The following HPS5 variants were observed in gnomAD, a reference collection of about 807,000 sequenced individuals.
HPS5 encodes HPS5 biogenesis of lysosomal organelles complex 2 subunit 2, also known as BLOC-2 complex member HPS5.
In HPS5, 83 loss-of-function variants were observed where a neutral mutation model predicts 128.0. That is an observed-to-expected ratio of 0.65 (90% CI 0.54 to 0.78). The LOEUF (loss-of-function observed/expected upper bound fraction) is 0.78. Among genes scored for constraint, HPS5 ranks in the 30% least tolerant of loss-of-function variants. The probability of loss-of-function intolerance (pLI) is 0.00; values close to 1 mark genes in which losing one functional copy is unlikely to be tolerated. For synonymous variants in HPS5, 475 were observed against 470.2 expected (o/e 1.01, Z -0.13); for missense variants, 1,281 against 1,326.2 (o/e 0.97, Z 0.53).
Position 18,317,910 on chromosome 11 carries a change from G to A in HPS5, c.-49-3C>T, listed in dbSNP as rs1283560475. On this transcript the variant is annotated splice_region_variant and splice_polypyrimidine_tract_variant and intron_variant, in intron 1 of 22. Transcript: ENST00000349215. ...ATGATAGATACAGTATTCCTCACCT[G>A]AATAAAATCCACAAAAATATAATTT... 1 of 1,579,424 alleles carries A rather than the reference G, an allele frequency of 6.3e-7. No individual in the cohort carries two copies. Among genetic ancestry groups the A allele is most frequent in the Admixed American group, 1.8e-5 (1 of 55,954 alleles).
At chr11:18,321,796 C>G (rs1467566806) in intron 1 of HPS5, 150 bp downstream of exon 1, 1 of 152,226 alleles carries the variant, frequency 6.6e-6, no homozygotes, top group Non-Finnish European at 1.5e-5. Flanking sequence ...CTGCCTCAGA[C>G]AAATGGCGAC....
intron 9 of HPS5, among the ~76,000 whole-genome samples, chr11:18,300,027 T>C (rs1198275185): frequency 6.6e-6 from 1 of 152,152 alleles, no homozygotes; most frequent in Non-Finnish European, 1.5e-5. Context: ...TACAAAATTA[T>C]AGCTAGATAG....
At chr11:18,284,581 A>G (rs932683143) in intron 20 of HPS5, among the ~76,000 whole-genome samples, 2 of 152,226 alleles carry the variant, frequency 1.3e-5, no homozygotes, top group Non-Finnish European at 2.9e-5. Flanking sequence ...AAGGGTCTCT[A>G]CTGATAACTA....
chr11:18,286,493 G>C (rs56767044), intron 19 of HPS5, 98 bp downstream of exon 19: 1 of 1,240,984 alleles, frequency 8.1e-7, no homozygotes, highest in African/African-American at 1.5e-5. Flanking sequence ...AGGAAGCCAT[G>C]ATCTTAGCAC....
intron 2 of HPS5, among the ~76,000 whole-genome samples, chr11:18,317,143 G>A (rs1217925669): frequency 6.7e-6 from 1 of 150,320 alleles, no homozygotes; most frequent in Non-Finnish European, 1.5e-5. Context: ...GCAGTGAGCT[G>A]AGATCACACC....
chr11:18,294,844 CA>C (rs1157205334), intron 14 of HPS5, among the ~76,000 whole-genome samples, 175 bp downstream of exon 14: 1 of 150,934 alleles, frequency 6.6e-6, no homozygotes, highest in South Asian at 2.1e-4. Flanking sequence ...AAAAAAAAAT[CA>C]CAAAAAAACT....
chr11:18,289,591 T>G (rs974650715), intron 16 of HPS5, among the ~76,000 whole-genome samples: 4 of 150,198 alleles, frequency 2.7e-5, no homozygotes, highest in African/African-American at 9.9e-5. Flanking sequence ...AAAAAAAAAA[T>G]TATTATGCTT....
chr11:18,287,783 T>C, intron 17 of HPS5, 93 bp from the exon 18 acceptor site: 2 of 1,583,616 alleles, frequency 1.3e-6, no homozygotes, highest in Non-Finnish European at 1.7e-6. Context: ...TGAAAATAAA[T>C]ATACTAACAG....
chr11:18,288,987 GGT>G (rs753384769), intron 16 of HPS5, among the ~76,000 whole-genome samples: 5 of 151,440 alleles, frequency 3.3e-5, no homozygotes, highest in Non-Finnish European at 7.4e-5. Context: ...TGCATAGGCT[GGT>G]GTGTGTGTTT....
At position 18,297,002 on chromosome 11, in the gene HPS5, TC is replaced by T. The variant is rs1861156087; in HGVS notation, c.1324-19del. 25 of 1,430,408 alleles carry T rather than the reference TC, an allele frequency of 1.7e-5. No individual in the cohort carries two copies. The highest frequency in any genetic ancestry group is 9.9e-5 in the African/African-American group (6 of 60,682). The allele number at this position is 1,430,408 out of a possible 1,614,324, so 88.6% of individuals were successfully genotyped here. A position where few individuals can be genotyped will look rare whatever the true frequency, so the allele number is the denominator to read the frequency against. Reference sequence around the variant, plus strand: ...AAACTTTCCTAAAAATTAAAAGAATTCAAAAAAAAAAAAAGGTAAAAATTTC... The same window carrying T: ...AAACTTTCCTAAAAATTAAAAGAATTAAAAAAAAAAAAAGGTAAAAATTTC... On this transcript the variant is annotated intron_variant, in intron 11 of 22. Coordinates refer to ENST00000349215, the MANE Select transcript of HPS5 (RefSeq NM_181507.2).
chr11:18,305,553 A>T, intron 7 of HPS5, 60 bp from the exon 8 acceptor site: 1 of 1,347,402 alleles, frequency 7.4e-7, no homozygotes, highest in Non-Finnish European at 1.1e-6. Context: ...ATAAAATTAC[A>T]CTTTTCCCAA....
Position 18,292,011 on chromosome 11 carries a change from A to C in HPS5, c.1871T>G (p.Leu624Arg), listed in dbSNP as rs281865102. The C allele has an allele frequency of 6.2e-7, 1 of 1,613,584 alleles. No homozygotes were observed. The highest frequency in any genetic ancestry group is 8.5e-7 in the Non-Finnish European group (1 of 1,179,602). ...TTCAAATAAAACCAGAGGGTCCTGT[A>C]GCTTGGTCCTATACAAGACAGACAA... The part of the protein sequence containing the change: ...KVATAEAMTK[L>R]QDPLVLFESE... Residue 624 changes from leucine to arginine, a missense_variant, in exon 16 of 23, where the codon CTA becomes CGA. Transcript: ENST00000349215.
chr11:18,288,630 G>GT (rs1406225951), intron 16 of HPS5, among the ~76,000 whole-genome samples: 3 of 151,930 alleles, frequency 2.0e-5, no homozygotes, highest in Non-Finnish European at 2.9e-5. Context: ...AGTAAAGTGG[G>GT]TTTTTTTCCA....
intron 16 of HPS5, among the ~76,000 whole-genome samples, chr11:18,290,880 C>T (rs914206495): frequency 5.3e-5 from 8 of 152,092 alleles, no homozygotes; most frequent in Non-Finnish European, 1.2e-4. Flanking sequence ...CATGATCACA[C>T]CACTGCATTC....
intron 1 of HPS5, among the ~76,000 whole-genome samples, chr11:18,320,578 C>T (rs1288431094): frequency 1.3e-5 from 2 of 152,178 alleles, no homozygotes; most frequent in African/African-American, 4.8e-5. Context: ...TGTCTCTTTC[C>T]AAAACAATCC....
chr11:18,312,770 T>C (rs1863159515), intron 2 of HPS5, among the ~76,000 whole-genome samples: 1 of 152,232 alleles, frequency 6.6e-6, no homozygotes, highest in African/African-American at 2.4e-5. Context: ...ACAGTAAGAC[T>C]GGAGACAGGA....
intron 17 of HPS5, 97 bp from the exon 18 acceptor site, chr11:18,287,787 C>T: frequency 6.3e-7 from 1 of 1,579,848 alleles, no homozygotes; most frequent in South Asian, 1.1e-5. Flanking sequence ...AATAAATATA[C>T]TAACAGAAGC....
Position 18,305,278 on chromosome 11 carries a change from C to T in HPS5, c.896+144G>A, listed in dbSNP as rs57697727. ...TTCCATTCCTTTTAGATACAGAACA[C>T]TTCATGTAACATAATTATTTCCTAA... is the stretch of plus-strand genomic sequence containing the variant. On this transcript the variant is annotated intron_variant, in intron 8 of 22. Coordinates refer to ENST00000349215, the MANE Select transcript of HPS5 (RefSeq NM_181507.2). 4,715 of 643,976 alleles carry T rather than the reference C, an allele frequency of 7.3e-3. 177 individuals are homozygous for T. In the African/African-American group the frequency reaches 0.077, roughly 11 times the overall value. The allele number at this position is 643,976 out of a possible 1,614,324, so 39.9% of individuals were successfully genotyped here.
At chr11:18,315,026 T>G (rs370571511) in intron 2 of HPS5, among the ~76,000 whole-genome samples, 1 of 152,168 alleles carries the variant, frequency 6.6e-6, no homozygotes, top group East Asian at 1.9e-4. Flanking sequence ...CTTCTTCCTC[T>G]TAGGTCGACA....
Sources: gnomAD v4.1 joint callset for allele counts (sites outside exome capture counted in the v4.1 genomes callset) on GRCh38, gnomAD v4.1.1 for gene constraint, MANE v1.5 for transcripts, NCBI Gene and HGNC (gene_info 2026-07-23, HGNC 2026-07-21) for gene names.